RNF138: variants seen among roughly 807,000 people sequenced by gnomAD.
RNF138 encodes the protein ring finger protein 138, also known as E3 ubiquitin-protein ligase RNF138.
A neutral mutation model predicts 31.0 loss-of-function variants in RNF138; 12 were observed. The ratio of observed to expected loss-of-function variants is 0.39; its 90% confidence interval spans 0.25 to 0.63. The LOEUF is 0.63. Among genes scored for constraint, RNF138 ranks in the 20% least tolerant of loss-of-function variants. The pLI is 0.52. For synonymous variants in RNF138, 105 were observed against 99.5 expected (o/e 1.06, Z -0.33); for missense variants, 192 against 300.1 (o/e 0.64, Z 2.66).
intron 2 of RNF138, among the ~76,000 whole-genome samples, chr18:32,099,864 T>A (rs2039889070): frequency 6.6e-6 from 1 of 152,222 alleles, no homozygotes; most frequent in South Asian, 2.1e-4. Flanking sequence ...GTTTCACATA[T>A]GAGAGTTTTT....
intron 2 of RNF138, among the ~76,000 whole-genome samples, chr18:32,101,636 A>G (rs1255229228): frequency 1.3e-5 from 2 of 152,152 alleles, no homozygotes; most frequent in Non-Finnish European, 2.9e-5. Context: ...CCTAGCACAT[A>G]TTATGTACGC....
intron 7 of RNF138, 93 bp downstream of exon 7, chr18:32,126,893 T>C (rs917858595): frequency 1.2e-5 from 9 of 745,178 alleles, no homozygotes; most frequent in African/African-American, 1.1e-4. Flanking sequence ...TGGCAAGCTG[T>C]TGTATCTTAC....
intron 2 of RNF138, among the ~76,000 whole-genome samples, chr18:32,105,717 A>G (rs2144583713): frequency 6.6e-6 from 1 of 152,350 alleles, no homozygotes; most frequent in South Asian, 2.1e-4. Flanking sequence ...CCATAATTTT[A>G]GGAAAAGGCC....
intron 2 of RNF138, among the ~76,000 whole-genome samples, chr18:32,093,905 TAAC>T (rs1688390609): frequency 6.6e-6 from 1 of 152,206 alleles, no homozygotes; most frequent in African/African-American, 2.4e-5. Flanking sequence ...ATTTCAAACT[TAAC>T]AAAAGAATGT....
intron 2 of RNF138, among the ~76,000 whole-genome samples, chr18:32,097,937 T>C (rs1225609913): frequency 1.4e-5 from 1 of 72,882 alleles, no homozygotes; most frequent in African/African-American, 3.9e-5. Flanking sequence ...TATATGTGTA[T>C]GTATATATGT....
intron 4 of RNF138, among the ~76,000 whole-genome samples, chr18:32,117,907 A>C (rs980092917): frequency 1.3e-5 from 2 of 152,174 alleles, no homozygotes; most frequent in Admixed American, 6.5e-5. Flanking sequence ...GGAAGTGGGG[A>C]GGAGGAGGGA....
At chr18:32,100,790 A>G (rs1288934640) in intron 2 of RNF138, among the ~76,000 whole-genome samples, 1 of 151,972 alleles carries the variant, frequency 6.6e-6, no homozygotes, top group Non-Finnish European at 1.5e-5. Context: ...TTTTTTGTAT[A>G]GACTGGGTTT....
chr18:32,094,035 C>A (rs1003286404), intron 2 of RNF138, among the ~76,000 whole-genome samples: 2 of 152,146 alleles, frequency 1.3e-5, no homozygotes, highest in Non-Finnish European at 2.9e-5. Flanking sequence ...TCGTGATCCT[C>A]CCGCCTCGGC....
intron 2 of RNF138, among the ~76,000 whole-genome samples, chr18:32,095,763 A>G (rs2039793524): frequency 6.6e-6 from 1 of 152,204 alleles, no homozygotes; most frequent in Non-Finnish European, 1.5e-5. Flanking sequence ...TTTAATCCCC[A>G]TTCATTCCCT....
intron 2 of RNF138, among the ~76,000 whole-genome samples, chr18:32,103,471 G>A (rs192685216): frequency 2.0e-5 from 3 of 151,878 alleles, no homozygotes; most frequent in Admixed American, 2.0e-4. Context: ...GAGATTATAG[G>A]TGCGAGCCAC....
rs1332792974 is a variant in RNF138 at position 32,129,650 on chromosome 18, T to A, written c.*463T>A. The A allele has an allele frequency of 1.3e-5, 2 of 152,844 alleles. No individual in the cohort carries two copies. Among genetic ancestry groups the A allele is most frequent in the Non-Finnish European group, 2.9e-5 (2 of 68,180 alleles). The allele number at this position is 152,844 out of a possible 1,614,324, so 9.5% of individuals were successfully genotyped here. On this transcript the variant is annotated 3_prime_UTR_variant, in exon 8 of 8. Coordinates refer to ENST00000261593, the MANE Select transcript of RNF138 (RefSeq NM_016271.5). ...TAGAAACTTGAAGTGCTAAATGGAA[T>A]AATCCAAAGGAAATTTTTTAAATGC...
At chr18:32,094,775 G>C (rs916240880) in intron 2 of RNF138, among the ~76,000 whole-genome samples, 22 of 151,618 alleles carry the variant, frequency 1.5e-4, no homozygotes, top group Middle Eastern at 3.4e-3. Context: ...TGTAATAGCT[G>C]CTAACTATAT....
At chr18:32,123,693 C>A in intron 5 of RNF138, 119 bp downstream of exon 5, 1 of 622,548 alleles carries the variant, frequency 1.6e-6, no homozygotes. Context: ...ACTTTGTTTT[C>A]CCAGGCTGGA....
chr18:32,115,691 G>A (rs1283599639), intron 4 of RNF138, among the ~76,000 whole-genome samples: 1 of 152,176 alleles, frequency 6.6e-6, no homozygotes, highest in African/African-American at 2.4e-5. Flanking sequence ...GTTGCAGTGA[G>A]CCGAGAGCAC....
At chr18:32,120,499 G>A (rs2040286508) in intron 4 of RNF138, among the ~76,000 whole-genome samples, 1 of 152,074 alleles carries the variant, frequency 6.6e-6, no homozygotes, top group Admixed American at 6.6e-5. Flanking sequence ...TTTTATTATG[G>A]AGATTGAATT....
chr18:32,128,204 T>A (rs1429280348), intron 7 of RNF138, among the ~76,000 whole-genome samples: 1 of 152,268 alleles, frequency 6.6e-6, no homozygotes, highest in Non-Finnish European at 1.5e-5. Context: ...AGTAGTTTTA[T>A]AACGATTGAA....
chr18:32,111,945 CT>C, intron 3 of RNF138, 26 bp downstream of exon 3: 1 of 1,510,332 alleles, frequency 6.6e-7, no homozygotes, highest in Non-Finnish European at 8.9e-7. Flanking sequence ...CATCTCTCTT[CT>C]TTGGAAGCCA....
chr18:32,124,903 A>T, intron 6 of RNF138, 58 bp downstream of exon 6: 1 of 844,760 alleles, frequency 1.2e-6, no homozygotes, highest in Non-Finnish European at 2.0e-6. Context: ...TGTTCTATTT[A>T]TTTCACTTCA....
At chr18:32,126,899 C>A (rs932925025) in intron 7 of RNF138, 99 bp downstream of exon 7, 1 of 689,852 alleles carries the variant, frequency 1.4e-6, no homozygotes, top group African/African-American at 1.8e-5. Context: ...GCTGTTGTAT[C>A]TTACTGGATG....
Sources: gnomAD v4.1 joint callset for allele counts (sites outside exome capture counted in the v4.1 genomes callset) on GRCh38, gnomAD v4.1.1 for gene constraint, MANE v1.5 for transcripts, NCBI Gene and HGNC (gene_info 2026-07-23, HGNC 2026-07-21) for gene names.